The following CSMD1 variants were observed in gnomAD, a reference collection of about 807,000 sequenced individuals.
CSMD1 encodes CUB and Sushi multiple domains 1.
CSMD1 carries 213 observed loss-of-function variants against 417.5 expected under a neutral mutation model. The observed-to-expected ratio is 0.51, with a 90% CI of 0.46 to 0.57. The LOEUF is 0.57. CSMD1 is among the 20% of genes least tolerant of loss of function. CSMD1 has a pLI of 0.00. For synonymous variants in CSMD1, 2,862 were observed against 1,736.8 expected (o/e 1.65, Z -16.11); for missense variants, 6,923 against 4,529.7 (o/e 1.53, Z -15.17).
At chr8:3,110,569 T>G (rs914132466) in intron 42 of CSMD1, among the ~76,000 whole-genome samples, 3 of 152,226 alleles carry the variant, frequency 2.0e-5, no homozygotes, top group African/African-American at 7.2e-5. Flanking sequence ...CTCCATATCT[T>G]CAAAATCCCT....
At chr8:3,788,442 G>A (rs1260233052) in intron 5 of CSMD1, among the ~76,000 whole-genome samples, 1 of 152,132 alleles carries the variant, frequency 6.6e-6, no homozygotes, top group Non-Finnish European at 1.5e-5. Context: ...AGAACCAGCT[G>A]AGATAAGAGG....
chr8:4,223,300 T>G (rs1801149713), intron 3 of CSMD1, among the ~76,000 whole-genome samples: 1 of 152,240 alleles, frequency 6.6e-6, no homozygotes, highest in Admixed American at 6.5e-5. Flanking sequence ...GAAATTCACC[T>G]GCACACTCGT....
At chr8:3,603,101 T>C (rs1584947718) in intron 8 of CSMD1, among the ~76,000 whole-genome samples, 1 of 152,224 alleles carries the variant, frequency 6.6e-6, no homozygotes, top group African/African-American at 2.4e-5. Context: ...TGTGTCATTT[T>C]TCAAAGGGAC....
intron 66 of CSMD1, 55 bp downstream of exon 66, chr8:2,951,059 A>G (rs1286619572): frequency 1.3e-6 from 2 of 1,550,310 alleles, no homozygotes; most frequent in Non-Finnish European, 8.7e-7. Context: ...CTGTGAAAAG[A>G]TAACAGGTCT....
At chr8:4,244,304 C>G (rs1198207981) in intron 3 of CSMD1, among the ~76,000 whole-genome samples, 1 of 152,122 alleles carries the variant, frequency 6.6e-6, no homozygotes, top group Admixed American at 6.5e-5. Context: ...ACTATGCAGT[C>G]TTGTCTCCAT....
At chr8:3,822,864 G>T (rs923419339) in intron 5 of CSMD1, among the ~76,000 whole-genome samples, 3 of 152,070 alleles carry the variant, frequency 2.0e-5, no homozygotes. Flanking sequence ...GTGGTATTTA[G>T]AATTTAGTGT....
intron 5 of CSMD1, among the ~76,000 whole-genome samples, chr8:3,911,196 G>A (rs965081563): frequency 2.0e-5 from 3 of 152,170 alleles, no homozygotes; most frequent in African/African-American, 4.8e-5. Context: ...GGTCTCTGGG[G>A]ACTAGATGTC....
chr8:3,357,578 T>C (rs1179023936), intron 21 of CSMD1, among the ~76,000 whole-genome samples: 1 of 152,210 alleles, frequency 6.6e-6, no homozygotes, highest in African/African-American at 2.4e-5. Context: ...ATAATGACTC[T>C]GGATGAAATA....
At chr8:4,029,936 T>C (rs1204552532) in intron 4 of CSMD1, among the ~76,000 whole-genome samples, 2 of 152,142 alleles carry the variant, frequency 1.3e-5, no homozygotes, top group African/African-American at 2.4e-5. Flanking sequence ...AAGTATAGAA[T>C]CCAGTGGGGC....
At chr8:3,954,491 T>G (rs575124276) in intron 5 of CSMD1, among the ~76,000 whole-genome samples, 41 of 152,246 alleles carry the variant, frequency 2.7e-4, no homozygotes, top group Admixed American at 6.5e-4. Flanking sequence ...CTCAGCTTCC[T>G]GAGTAGCTGG....
chr8:3,622,544 T>C (rs542368242), intron 7 of CSMD1, among the ~76,000 whole-genome samples: 2 of 152,352 alleles, frequency 1.3e-5, no homozygotes, highest in East Asian at 3.9e-4. Flanking sequence ...TTTTTAAAGA[T>C]AATGCCAAAG....
intron 3 of CSMD1, among the ~76,000 whole-genome samples, chr8:4,082,325 C>G (rs538830563): frequency 6.6e-6 from 1 of 152,078 alleles, no homozygotes; most frequent in Non-Finnish European, 1.5e-5. Context: ...TTTGATATTA[C>G]AAACTTTTTT....
chr8:4,176,572 G>A (rs1231148287), intron 3 of CSMD1, among the ~76,000 whole-genome samples: 4 of 151,670 alleles, frequency 2.6e-5, no homozygotes, highest in African/African-American at 9.7e-5. Flanking sequence ...GGCAGTAGAA[G>A]TACCCTCTAG....
At chr8:3,658,464 G>GTATATATATATATATATATATATAT (rs113956125) in intron 7 of CSMD1, among the ~76,000 whole-genome samples, 16 of 144,170 alleles carry the variant, frequency 1.1e-4, no homozygotes, top group Admixed American at 4.9e-4. Context: ...TATATATATT[G>GTATATATATATATATATATATATAT]TGTATATATA....
chr8:4,187,919 T>C (rs1238748854), intron 3 of CSMD1, among the ~76,000 whole-genome samples: 1 of 152,086 alleles, frequency 6.6e-6, no homozygotes, highest in Non-Finnish European at 1.5e-5. Context: ...TTGTTGTTAA[T>C]AAAATACAAA....
At chr8:3,159,549 A>G (rs867934342) in intron 38 of CSMD1, among the ~76,000 whole-genome samples, 20 of 152,340 alleles carry the variant, frequency 1.3e-4, no homozygotes, top group South Asian at 6.2e-4. Context: ...CATGACTAAT[A>G]TGTAATTGAT....
intron 1 of CSMD1, among the ~76,000 whole-genome samples, chr8:4,812,386 C>A (rs1213208791): frequency 6.6e-6 from 1 of 152,136 alleles, no homozygotes; most frequent in Non-Finnish European, 1.5e-5. Context: ...GGTATAAATT[C>A]TACTGCTCTA....
At chr8:4,169,128 A>G (rs1427709471) in intron 3 of CSMD1, among the ~76,000 whole-genome samples, 4 of 152,112 alleles carry the variant, frequency 2.6e-5, no homozygotes, top group Non-Finnish European at 4.4e-5. Context: ...CTGTAAGCTC[A>G]CTGGTGGTGA....
chr8:4,384,953 C>G (rs1803349258), intron 3 of CSMD1, among the ~76,000 whole-genome samples: 1 of 152,128 alleles, frequency 6.6e-6, no homozygotes, highest in African/African-American at 2.4e-5. Flanking sequence ...AGGAAATTTC[C>G]TCTGTCACCC....
Sources: allele counts gnomAD v4.1 joint callset (sites outside exome capture counted in the v4.1 genomes callset), GRCh38; gene constraint gnomAD v4.1.1; transcripts MANE v1.5; gene names NCBI Gene and HGNC (gene_info 2026-07-23, HGNC 2026-07-21).